The following COMMD4 variants were observed in gnomAD, a reference collection of about 807,000 sequenced individuals.
COMMD4 encodes COMM domain containing 4.
In COMMD4, 18 loss-of-function variants were observed where a neutral mutation model predicts 27.5. The ratio of observed to expected loss-of-function variants is 0.65; its 90% CI spans 0.45 to 0.97. The LOEUF (loss-of-function observed/expected upper bound fraction) is 0.97. Among genes scored for constraint, COMMD4 ranks in the 50% least tolerant of loss-of-function variants. The pLI, the probability that COMMD4 is intolerant of heterozygous loss-of-function variation, is 0.00. For missense variants in COMMD4, 243 were observed against 250.0 expected (o/e 0.97, Z 0.19); for synonymous variants, 108 against 108.4 (o/e 1.00, Z 0.02).
chr15:75,341,937 G>C (rs566276295), downstream of COMMD4: 1 of 151,968 alleles, frequency 6.6e-6, no homozygotes, highest in East Asian at 1.9e-4. Context: ...GGTGGTGCGT[G>C]CTTATAGTCT....
chr15:75,339,552 C>T (rs1367234067), intron 6 of COMMD4, 150 bp from the exon 7 acceptor site: 1 of 1,133,122 alleles, frequency 8.8e-7, no homozygotes, highest in South Asian at 1.6e-5. Context: ...GATTATCGGG[C>T]ACCTGCCCTG....
intron 6 of COMMD4, 115 bp downstream of exon 6, chr15:75,339,459 C>T (rs568261914): frequency 1.1e-4 from 163 of 1,480,930 alleles, no homozygotes; most frequent in African/African-American, 1.4e-4. Context: ...TACTAGCAGC[C>T]GTAGAGCTGG....
chr15:75,336,069 G>T lies in COMMD4; in HGVS notation c.-21G>T, dbSNP rs372819742. On this transcript the variant is annotated 5_prime_UTR_variant, in exon 1 of 8. Coordinates refer to ENST00000267935, the MANE Select transcript of COMMD4 (RefSeq NM_017828.5). ...TGCGGGACCGGAAAAAGAAATTCCC[G>T]GGCCCTGGCTTCTTGGCGCGATGGT... The T allele has an allele frequency of 1.0e-5, 16 of 1,549,548 alleles. No homozygotes were observed. In the African/African-American group the frequency reaches 2.2e-4, roughly 21 times the overall value.
intron 2 of COMMD4, 63 bp from the exon 3 acceptor site, chr15:75,338,292 C>G (rs1033467113): frequency 2.2e-5 from 32 of 1,467,206 alleles, no homozygotes; most frequent in Admixed American, 7.8e-5. Context: ...CTGCTCTGAG[C>G]CAGTCCCCAG....
chr15:75,341,252 C>G (rs143094233), downstream of COMMD4: 1 of 152,326 alleles, frequency 6.6e-6, no homozygotes, highest in African/African-American at 2.4e-5. Flanking sequence ...TATAGCAGCT[C>G]GAGAAGACTA....
downstream of COMMD4, among the ~76,000 whole-genome samples, chr15:75,340,594 A>G (rs74369102): frequency 6.6e-6 from 1 of 152,170 alleles, no homozygotes; most frequent in East Asian, 1.9e-4. Context: ...TTTCACTGCC[A>G]TCTTCTATTT....
downstream of COMMD4, chr15:75,341,019 G>A (rs1470762299): frequency 2.6e-5 from 4 of 152,248 alleles, no homozygotes; most frequent in African/African-American, 9.7e-5. Context: ...CGGTGTTATG[G>A]ACTGAATGTT....
intron 6 of COMMD4, 23 bp downstream of exon 6, chr15:75,339,367 T>G: frequency 1.9e-6 from 3 of 1,607,610 alleles, no homozygotes; most frequent in Non-Finnish European, 1.7e-6. Flanking sequence ...CCAGCCAGGG[T>G]CCGGGCTCAT....
At chr15:75,336,167 T>G (rs1445712968) in intron 1 of COMMD4, 75 bp downstream of exon 1, 4 of 1,549,190 alleles carry the variant, frequency 2.6e-6, no homozygotes, top group Non-Finnish European at 3.5e-6. Flanking sequence ...CTCCGGAAAC[T>G]GGGGGAGGTT....
chr15:75,337,981 G>A (rs2071273598), intron 1 of COMMD4, 81 bp from the exon 2 acceptor site: 1 of 1,404,264 alleles, frequency 7.1e-7, no homozygotes, highest in African/African-American at 1.4e-5. Context: ...TCCCTGGTGG[G>A]CAGCAGTGTG....
At chr15:75,338,513 A>G in intron 3 of COMMD4, 93 bp downstream of exon 3, 1 of 1,573,248 alleles carries the variant, frequency 6.4e-7, no homozygotes, top group Non-Finnish European at 8.7e-7. Context: ...CGGGTGAGCC[A>G]GCCTCTCAAC....
chr15:75,340,634 C>T (rs906939255), downstream of COMMD4, among the ~76,000 whole-genome samples: 8 of 152,122 alleles, frequency 5.3e-5, no homozygotes, highest in African/African-American at 1.2e-4. Context: ...GACGGAGTTT[C>T]GCTCCTCTTG....
At chr15:75,337,173 A>C (rs1455484872) in intron 1 of COMMD4, 2 of 152,202 alleles carry the variant, frequency 1.3e-5, no homozygotes, top group African/African-American at 4.8e-5. Context: ...AGGGTGGATC[A>C]CCTGAGGTCA....
intron 1 of COMMD4, chr15:75,336,447 C>T: frequency 1.7e-6 from 1 of 581,880 alleles, no homozygotes; most frequent in South Asian, 2.6e-5. Flanking sequence ...CCCCCTTCCC[C>T]AGCCCTGCCG....
In COMMD4 at chr15:75,339,020, A is replaced by C. The variant is rs1215939037; in HGVS notation, c.217A>C (p.Ser73Arg). The stretch of plus-strand genomic sequence containing the variant: ...TGTGAAGGCCACAGTGGCAGTGCTG[A>C]GTTTCATCCTCTCCAGTGCGGCCAA... Reference protein sequence around the residue: ...GDVKATVAVLSFILSSAAKHS... With the variant: ...GDVKATVAVLRFILSSAAKHS... Residue 73 changes from serine to arginine, a missense_variant, in exon 5 of 8, where the codon AGT becomes CGT. Ser to Arg is a moderately radical substitution (Grantham distance 110). Transcript: ENST00000267935. 1.2e-6 allele frequency: 2 copies of C among 1,613,902 alleles called. No individual in the cohort carries two copies. The highest frequency in any genetic ancestry group is 4.5e-5 in the East Asian group (2 of 44,880).
At position 75,338,064 on chromosome 15, in the gene COMMD4, G is replaced by A. The variant is rs1219509732; in HGVS notation, c.6G>A (p.Arg2=). Residue 2 remains arginine, a splice_region_variant and synonymous_variant, in exon 2 of 8, where the codon AGG becomes AGA. Transcript: ENST00000267935. M[R]FRFCGDLDCP... The stretch of plus-strand genomic sequence containing the variant: ...TTACCTGCCTCCCTCCCTTGCAGAG[G>A]TTCCGGTTCTGTGGTGATCTGGACT... 6.2e-7 allele frequency: 1 copy of A among 1,605,998 alleles called. No individual in the cohort carries two copies. Among genetic ancestry groups the A allele is most frequent in the Admixed American group, 1.7e-5 (1 of 59,136 alleles).
chr15:75,336,613 G>A (rs771265412), intron 1 of COMMD4: 34 of 186,962 alleles, frequency 1.8e-4, no homozygotes, highest in East Asian at 1.8e-3. Flanking sequence ...CTAAGCGCCT[G>A]GTCTATACCA....
Position 75,340,068 on chromosome 15 carries a change from C to T in COMMD4, c.*63C>T. 1 of 1,583,574 alleles carries T rather than the reference C, an allele frequency of 6.3e-7. No homozygotes were observed. The highest frequency in any genetic ancestry group is 1.9e-4 in the Middle Eastern group (1 of 5,326). ...CCCGTATGGAGTCACGCCCTCTGAA[C>T]TGCTCTTCGGGAGGCAGCCCTGGTT... On this transcript the variant is annotated 3_prime_UTR_variant, in exon 8 of 8. Coordinates refer to ENST00000267935, the MANE Select transcript of COMMD4 (RefSeq NM_017828.5).
In COMMD4 at chr15:75,340,053, G is replaced by T. The variant is rs770407524; in HGVS notation, c.*48G>T. Reference sequence around the variant, plus strand: ...TGTGGAGCCGCCCTGCCCGTATGGAGTCACGCCCTCTGAACTGCTCTTCGG... The same window carrying T: ...TGTGGAGCCGCCCTGCCCGTATGGATTCACGCCCTCTGAACTGCTCTTCGG... On this transcript the variant is annotated 3_prime_UTR_variant, in exon 8 of 8. Transcript: ENST00000267935. 2.5e-6 allele frequency: 4 copies of T among 1,607,374 alleles called. No homozygotes were observed. The highest frequency in any genetic ancestry group is 1.7e-6 in the Non-Finnish European group (2 of 1,176,618).
Sources: gnomAD v4.1 joint callset for allele counts (sites outside exome capture counted in the v4.1 genomes callset) on GRCh38, gnomAD v4.1.1 for gene constraint, MANE v1.5 for transcripts, NCBI Gene and HGNC (gene_info 2026-07-23, HGNC 2026-07-21) for gene names.